COL26A1: variants seen among roughly 807,000 people sequenced by gnomAD.
The protein encoded by COL26A1 is collagen type XXVI alpha 1 chain, also known as collagen alpha-1(XXVI) chain.
COL26A1 carries 41 observed loss-of-function variants against 59.3 expected under a neutral mutation model. The ratio of observed to expected loss-of-function variants is 0.69; its 90% CI spans 0.54 to 0.90. The LOEUF (loss-of-function observed/expected upper bound fraction) is 0.90, where lower values mean the gene tolerates loss of function less well. Ranked by LOEUF, COL26A1 falls within the 40% of genes least tolerant of loss-of-function variation. The pLI, the probability that COL26A1 is intolerant of heterozygous loss-of-function variation, is 0.00. For synonymous variants in COL26A1, 266 were observed against 256.0 expected (o/e 1.04, Z -0.37); for missense variants, 612 against 602.3 (o/e 1.02, Z -0.17).
chr7:101,362,858 C>T, upstream of COL26A1: 1 of 606,674 alleles, frequency 1.6e-6, no homozygotes, highest in South Asian at 2.2e-5. Flanking sequence ...AAAAGGCGGC[C>T]CCGGAGAGGC....
intron 3 of COL26A1, among the ~76,000 whole-genome samples, chr7:101,471,667 C>T (rs1793909201): frequency 6.7e-6 from 1 of 149,722 alleles, no homozygotes; most frequent in Admixed American, 6.7e-5. Context: ...GCAACCTCCA[C>T]CTACCGAGTT....
intron 1 of COL26A1, among the ~76,000 whole-genome samples, chr7:101,375,370 G>A (rs1791290319): frequency 6.6e-6 from 1 of 151,984 alleles, no homozygotes. Context: ...TGGGGACTTG[G>A]CAAAGCTTGG....
At chr7:101,370,791 T>C (rs1030223428) in intron 1 of COL26A1, among the ~76,000 whole-genome samples, 1 of 152,156 alleles carries the variant, frequency 6.6e-6, no homozygotes, top group Non-Finnish European at 1.5e-5. Flanking sequence ...AATGCCTCCC[T>C]CTTACCTTGA....
At chr7:101,527,819 AG>A (rs973180474) in intron 3 of COL26A1, among the ~76,000 whole-genome samples, 2 of 152,046 alleles carry the variant, frequency 1.3e-5, no homozygotes, top group African/African-American at 4.8e-5. Context: ...CGGAGGGGCC[AG>A]GCATTTGGGA....
intron 3 of COL26A1, among the ~76,000 whole-genome samples, chr7:101,508,755 G>A (rs1794863559): frequency 6.6e-6 from 1 of 152,138 alleles, no homozygotes; most frequent in Admixed American, 6.5e-5. Context: ...TTTGCTGGGT[G>A]TCATTTCACA....
At chr7:101,479,997 T>C (rs1278776092) in intron 3 of COL26A1, among the ~76,000 whole-genome samples, 6 of 152,006 alleles carry the variant, frequency 3.9e-5, no homozygotes, top group African/African-American at 1.4e-4. Flanking sequence ...ACTAAAACAA[T>C]TTTTTTTAAG....
At chr7:101,380,626 G>T (rs1791424434) in intron 1 of COL26A1, among the ~76,000 whole-genome samples, 1 of 151,956 alleles carries the variant, frequency 6.6e-6, no homozygotes. Flanking sequence ...TCTCACACAA[G>T]ATCTCAGAAC....
intron 3 of COL26A1, among the ~76,000 whole-genome samples, chr7:101,510,089 A>C (rs1584474166): frequency 6.8e-6 from 1 of 146,366 alleles, no homozygotes. Context: ...TGGTGCAATC[A>C]TGGCTTACTG....
chr7:101,495,325 C>G (rs545002630), intron 3 of COL26A1, among the ~76,000 whole-genome samples: 1 of 152,066 alleles, frequency 6.6e-6, no homozygotes, highest in Non-Finnish European at 1.5e-5. Context: ...GAGAAGCTGT[C>G]GAGCAATTCA....
intron 3 of COL26A1, among the ~76,000 whole-genome samples, chr7:101,485,478 C>T (rs1471557877): frequency 6.6e-6 from 1 of 152,138 alleles, no homozygotes; most frequent in East Asian, 1.9e-4. Context: ...TCCCCTGGGA[C>T]ACACGCTTGT....
chr7:101,503,611 G>A (rs1794747678), intron 3 of COL26A1, among the ~76,000 whole-genome samples: 2 of 152,286 alleles, frequency 1.3e-5, no homozygotes, highest in African/African-American at 4.8e-5. Context: ...TGACCTCCCG[G>A]CCTCTGGTGA....
At chr7:101,417,361 C>T (rs1792393901) in intron 1 of COL26A1, among the ~76,000 whole-genome samples, 2 of 148,584 alleles carry the variant, frequency 1.3e-5, no homozygotes, top group Admixed American at 1.4e-4. Flanking sequence ...CCTGTTTCTC[C>T]TGGAGGTCAC....
intron 1 of COL26A1, among the ~76,000 whole-genome samples, chr7:101,372,689 G>A (rs1228737811): frequency 4.6e-5 from 7 of 152,092 alleles, no homozygotes; most frequent in Non-Finnish European, 8.8e-5. Context: ...ATAGTTAGTG[G>A]GACTGAGTTC....
Position 101,543,596 on chromosome 7 carries a change from G to A in COL26A1, c.605-402G>A, listed in dbSNP as rs138653309. On this transcript the variant is annotated intron_variant, in intron 5 of 12. Transcript: ENST00000313669. ...CTTCAGGACCTCCTGGGGCCTCCTC[G>A]GAGGCCACCTGTTGGGGAGCACTTT... Among the ~76,000 whole-genome samples the A allele has an allele frequency of 7.9e-3, 1,207 of 152,136 alleles. 7 individuals are homozygous for A. The highest frequency in any genetic ancestry group is 0.017 in the Middle Eastern group (5 of 292).
chr7:101,524,054 T>G (rs1427770759), intron 3 of COL26A1, among the ~76,000 whole-genome samples: 1 of 152,040 alleles, frequency 6.6e-6, no homozygotes, highest in Non-Finnish European at 1.5e-5. Context: ...CGGATCACTT[T>G]AGGTCAGGAG....
intron 3 of COL26A1, among the ~76,000 whole-genome samples, chr7:101,511,523 C>T (rs140130450): frequency 6.6e-6 from 1 of 152,336 alleles, no homozygotes; most frequent in East Asian, 1.9e-4. Context: ...CTGCTCTAGG[C>T]TGAAGGCAGA....
intron 3 of COL26A1, among the ~76,000 whole-genome samples, chr7:101,529,633 A>G (rs1195283107): frequency 1.3e-5 from 2 of 152,128 alleles, no homozygotes; most frequent in Non-Finnish European, 2.9e-5. Flanking sequence ...ATGTCCATAT[A>G]TACCCCTTGT....
rs1168694927 is a variant in COL26A1 at position 101,558,538 on chromosome 7, T to C, written c.*1008T>C. 2.0e-5 allele frequency: 3 copies of C among 152,234 alleles called. No homozygotes were observed. Among genetic ancestry groups the C allele is most frequent in the African/African-American group, 7.2e-5 (3 of 41,452 alleles). The allele number at this position is 152,234 out of a possible 1,614,324, so 9.4% of individuals were successfully genotyped here. On this transcript the variant is annotated 3_prime_UTR_variant, in exon 13 of 13. Transcript: ENST00000313669. ...GACACAGCAAGCCCAGTGTCCCCTT[T>C]GCAAGCTGCAGAGAGGGAAACAGAG...
chr7:101,494,632 C>T (rs1794542065), intron 3 of COL26A1, among the ~76,000 whole-genome samples: 1 of 152,240 alleles, frequency 6.6e-6, no homozygotes, highest in African/African-American at 2.4e-5. Flanking sequence ...GCATTTCCAG[C>T]CAGGTTTGCA....
Sources: gnomAD v4.1 joint callset for allele counts (sites outside exome capture counted in the v4.1 genomes callset) on GRCh38, gnomAD v4.1.1 for gene constraint, MANE v1.5 for transcripts, NCBI Gene and HGNC (gene_info 2026-07-23, HGNC 2026-07-21) for gene names.